The following CSGALNACT1 variants were observed in gnomAD, a reference collection of about 807,000 sequenced individuals.
CSGALNACT1 encodes the protein chondroitin sulfate N-acetylgalactosaminyltransferase 1.
Under a neutral mutation model 51.0 loss-of-function variants are expected in CSGALNACT1, and 52 were observed. The ratio of observed to expected loss-of-function variants is 1.02; its 90% CI spans 0.82 to 1.29. The LOEUF (loss-of-function observed/expected upper bound fraction) is 1.29. Ranked by LOEUF, CSGALNACT1 falls within the 50% of genes most tolerant of loss-of-function variation. The probability of loss-of-function intolerance (pLI) is 0.00; values close to 1 mark genes in which losing one functional copy is unlikely to be tolerated. For synonymous variants in CSGALNACT1, 341 were observed against 254.4 expected, an observed-to-expected ratio of 1.34 and a Z score of -3.24; for missense variants, 935 against 679.2, an observed-to-expected ratio of 1.38 and a Z score of -4.19.
intron 1 of CSGALNACT1, among the ~76,000 whole-genome samples, chr8:19,645,807 G>A (rs2057222122): frequency 6.6e-6 from 1 of 152,046 alleles, no homozygotes; most frequent in Non-Finnish European, 1.5e-5. Context: ...ATGTAGCCCT[G>A]GCCCTGACAT....
chr8:19,487,194 T>C (rs2073158702), intron 4 of CSGALNACT1, among the ~76,000 whole-genome samples: 1 of 152,200 alleles, frequency 6.6e-6, no homozygotes, highest in African/African-American at 2.4e-5. Context: ...CACATTCTGC[T>C]CCAGAGACTC....
intron 6 of CSGALNACT1, among the ~76,000 whole-genome samples, chr8:19,425,280 G>C (rs2153708449): frequency 6.6e-6 from 1 of 152,308 alleles, no homozygotes; most frequent in South Asian, 2.1e-4. Context: ...AATGGAGGTT[G>C]CTGTGAGCCG....
chr8:19,683,958 G>C (rs2060815200), upstream of CSGALNACT1, among the ~76,000 whole-genome samples: 1 of 152,108 alleles, frequency 6.6e-6, no homozygotes, highest in Non-Finnish European at 1.5e-5. Context: ...CTGAGGTCAG[G>C]AGTTCAAAAC....
At chr8:19,537,568 C>A (rs866815416) in intron 3 of CSGALNACT1, among the ~76,000 whole-genome samples, 12 of 152,214 alleles carry the variant, frequency 7.9e-5, no homozygotes, top group Middle Eastern at 3.2e-3. Context: ...CTTTTGGCTT[C>A]TGCCAGAGAC....
intron 4 of CSGALNACT1, among the ~76,000 whole-genome samples, chr8:19,470,663 C>T (rs4922035): frequency 0.56 from 84,588 of 151,814 alleles, 24,492 homozygotes; most frequent in East Asian, 0.86. Flanking sequence ...ATTCGGCAAT[C>T]ATCTCATTGC....
intron 5 of CSGALNACT1, among the ~76,000 whole-genome samples, chr8:19,454,756 C>A (rs1469425051): frequency 6.6e-6 from 1 of 151,722 alleles, no homozygotes; most frequent in East Asian, 1.9e-4. Flanking sequence ...TCGTTTTGTA[C>A]TGAAATGTTT....
chr8:19,547,421 T>A (rs1563994222), intron 3 of CSGALNACT1, among the ~76,000 whole-genome samples: 1 of 132,938 alleles, frequency 7.5e-6, no homozygotes, highest in Non-Finnish European at 1.6e-5. Context: ...AGAGACCCAG[T>A]GGGAGATAAC....
At chr8:19,648,416 T>C (rs577362511) in intron 1 of CSGALNACT1, among the ~76,000 whole-genome samples, 3 of 152,240 alleles carry the variant, frequency 2.0e-5, no homozygotes, top group East Asian at 1.9e-4. Flanking sequence ...GCCTACACTT[T>C]GACCATTTCT....
At chr8:19,430,393 T>C (rs868698775) in intron 6 of CSGALNACT1, among the ~76,000 whole-genome samples, 3 of 152,342 alleles carry the variant, frequency 2.0e-5, no homozygotes, top group Non-Finnish European at 1.5e-5. Flanking sequence ...GATGTATACC[T>C]ATCAACTACA....
intron 1 of CSGALNACT1, among the ~76,000 whole-genome samples, chr8:19,659,864 C>A (rs556891017): frequency 6.6e-6 from 1 of 152,334 alleles, no homozygotes; most frequent in Admixed American, 6.5e-5. Flanking sequence ...CTGCTAATCC[C>A]AGATTGCCTA....
chr8:19,701,158 T>TG lies in CSGALNACT1; in HGVS notation c.-297+56691_-297+56692insC, dbSNP rs2061851786. ...TTTCAGTTCATCTATTATCCGTTTTTTTTTTTTTTTTTTTTGATACAGAGT... is the reference window on the plus strand; with the variant it reads ...TTTCAGTTCATCTATTATCCGTTTTTGTTTTTTTTTTTTTTTGATACAGAGT... On this transcript the variant is annotated intron_variant, in intron 1 of 1. Transcript: ENST00000517494. 1.1e-4 allele frequency among the ~76,000 whole-genome samples: 16 copies of TG among 140,038 alleles called. 1 individual carries two copies. The Admixed American group carries it at 1.2e-3, about 10-fold the overall frequency. The allele number at this position is 140,038 out of a possible 152,430, so 91.9% of individuals were successfully genotyped here. A position where few individuals can be genotyped will look rare whatever the true frequency, so the allele number is the denominator to read the frequency against.
chr8:19,592,569 T>G (rs1020368260), intron 2 of CSGALNACT1, among the ~76,000 whole-genome samples: 2 of 152,084 alleles, frequency 1.3e-5, no homozygotes, highest in African/African-American at 2.4e-5. Flanking sequence ...GTGGGCACCA[T>G]GGCAAAACTC....
At chr8:19,412,181 A>G (rs1227367198) in intron 8 of CSGALNACT1, among the ~76,000 whole-genome samples, 1 of 151,214 alleles carries the variant, frequency 6.6e-6, no homozygotes, top group East Asian at 1.9e-4. Flanking sequence ...CCTCCTCTCA[A>G]CTCTCTCTGC....
chr8:19,417,869 TG>T (rs956075728), intron 8 of CSGALNACT1, among the ~76,000 whole-genome samples: 13 of 152,284 alleles, frequency 8.5e-5, no homozygotes, highest in Admixed American at 7.2e-4. Context: ...ATTCCATCCA[TG>T]GGGGCCATGC....
At chr8:19,753,522 T>C (rs568161322) in intron 1 of CSGALNACT1, among the ~76,000 whole-genome samples, 24 of 152,280 alleles carry the variant, frequency 1.6e-4, no homozygotes, top group African/African-American at 5.8e-4. Flanking sequence ...CTAGTTTTTG[T>C]TGTGGTTTCG....
intron 3 of CSGALNACT1, among the ~76,000 whole-genome samples, chr8:19,507,730 C>A (rs939076622): frequency 1.3e-5 from 2 of 152,266 alleles, no homozygotes; most frequent in South Asian, 4.1e-4. Context: ...TGGGTTCAAG[C>A]GATTCCCCTG....
chr8:19,433,534 C>T (rs964794182), intron 6 of CSGALNACT1, among the ~76,000 whole-genome samples: 5 of 152,244 alleles, frequency 3.3e-5, no homozygotes, highest in Admixed American at 6.5e-5. Context: ...CAAAGTTAAA[C>T]ACTTCCTATA....
At chr8:19,665,923 T>C (rs1039580059) in intron 1 of CSGALNACT1, among the ~76,000 whole-genome samples, 1 of 152,242 alleles carries the variant, frequency 6.6e-6, no homozygotes. Context: ...TACATTCATC[T>C]AACCACATTG....
In CSGALNACT1 at chr8:19,421,336, G is replaced by A. The variant is rs1475824562; in HGVS notation, c.954-818C>T. Among the ~76,000 whole-genome samples the A allele has an allele frequency of 2.0e-5, 3 of 152,300 alleles. No individual in the cohort carries two copies. In the South Asian group the frequency reaches 6.2e-4, roughly 32 times the overall value. ...TGAAGCCAGGATGTTTCTCGCATTC[G>A]TTGTTCTTTCCCAGGGACAGCAGAA... is the stretch of plus-strand genomic sequence containing the variant. On this transcript the variant is annotated intron_variant, in intron 6 of 9. Transcript: ENST00000454498.
Sources: gnomAD v4.1 joint callset for allele counts (sites outside exome capture counted in the v4.1 genomes callset) on GRCh38, gnomAD v4.1.1 for gene constraint, MANE v1.5 for transcripts, NCBI Gene and HGNC (gene_info 2026-07-23, HGNC 2026-07-21) for gene names.